The following BTRC variants were observed in gnomAD, a reference collection of about 807,000 sequenced individuals.
The protein encoded by BTRC is beta-transducin repeat containing E3 ubiquitin protein ligase.
In BTRC, 42 loss-of-function variants were observed where a neutral mutation model predicts 85.5. That is an observed-to-expected ratio of 0.49 (90% confidence interval 0.38 to 0.64). BTRC has a LOEUF of 0.64. Ranked by LOEUF, BTRC falls within the 30% of genes least tolerant of loss-of-function variation. BTRC has a pLI of 0.00. For synonymous variants in BTRC, 255 were observed against 263.3 expected (o/e 0.97, Z 0.30); for missense variants, 594 against 743.5 (o/e 0.80, Z 2.34).
intron 1 of BTRC, among the ~76,000 whole-genome samples, chr10:101,395,538 C>G (rs1943342483): frequency 6.6e-6 from 1 of 152,158 alleles, no homozygotes; most frequent in African/African-American, 2.4e-5. Flanking sequence ...CCTTCCTCTC[C>G]TTAATAAAAA....
intron 1 of BTRC, among the ~76,000 whole-genome samples, chr10:101,374,387 G>C (rs976738884): frequency 2.6e-5 from 4 of 151,554 alleles, no homozygotes; most frequent in African/African-American, 9.7e-5. Flanking sequence ...CAACCCAAAT[G>C]TCCAACAACG....
At chr10:101,385,390 GA>G (rs1318790519) in intron 1 of BTRC, among the ~76,000 whole-genome samples, 2 of 141,706 alleles carry the variant, frequency 1.4e-5, no homozygotes, top group Admixed American at 7.0e-5. Context: ...AAAAAGAAAA[GA>G]AAAAAAGTGA....
intron 4 of BTRC, among the ~76,000 whole-genome samples, chr10:101,504,655 C>T (rs1344585867): frequency 6.6e-6 from 1 of 151,912 alleles, no homozygotes; most frequent in Non-Finnish European, 1.5e-5. Flanking sequence ...GTTCCTCCTT[C>T]TGCTTTCCCA....
chr10:101,402,713 A>G (rs1399627902), intron 1 of BTRC, among the ~76,000 whole-genome samples: 1 of 152,206 alleles, frequency 6.6e-6, no homozygotes, highest in Non-Finnish European at 1.5e-5. Flanking sequence ...AATTAAGTGA[A>G]CTTCTCAAAG....
In BTRC at chr10:101,489,391, G is replaced by A. The variant is rs564625385; in HGVS notation, c.324+9934G>A. Among the ~76,000 whole-genome samples, 27 of 152,210 alleles carry A rather than the reference G, an allele frequency of 1.8e-4. No individual in the cohort carries two copies. In the East Asian group the frequency reaches 4.8e-3, roughly 27 times the overall value. On this transcript the variant is annotated intron_variant, in intron 4 of 14. Transcript: ENST00000370187. Reference sequence around the variant, plus strand: ...CTTTTCTGCATTCCTTAATCTGAAAGAGAGATTTTTATTCTTAATACTTGT... The same window carrying A: ...CTTTTCTGCATTCCTTAATCTGAAAAAGAGATTTTTATTCTTAATACTTGT...
chr10:101,470,773 AAATT>A (rs1464265357), intron 3 of BTRC, among the ~76,000 whole-genome samples: 12 of 152,182 alleles, frequency 7.9e-5, no homozygotes, highest in African/African-American at 2.2e-4. Context: ...GATCCATCTC[AAATT>A]AATTCTTATA....
chr10:101,491,725 A>C (rs1946139082), intron 4 of BTRC, among the ~76,000 whole-genome samples: 1 of 151,836 alleles, frequency 6.6e-6, no homozygotes, highest in East Asian at 1.9e-4. Context: ...TTAAGGCTTC[A>C]GGTCTGTCTG....
intron 1 of BTRC, among the ~76,000 whole-genome samples, chr10:101,409,486 C>T (rs1290462759): frequency 6.6e-5 from 10 of 152,078 alleles, no homozygotes; most frequent in Non-Finnish European, 5.9e-5. Flanking sequence ...AGAAATGTGC[C>T]ATTAGGTGAG....
intron 1 of BTRC, among the ~76,000 whole-genome samples, chr10:101,416,258 T>C (rs1215203401): frequency 1.3e-5 from 2 of 152,212 alleles, no homozygotes; most frequent in African/African-American, 4.8e-5. Flanking sequence ...TACCCATCTG[T>C]TGATGGCCAT....
chr10:101,497,851 C>G (rs1458573997), intron 4 of BTRC, among the ~76,000 whole-genome samples: 1 of 151,768 alleles, frequency 6.6e-6, no homozygotes, highest in Non-Finnish European at 1.5e-5. Context: ...GAAACCCCAT[C>G]TCTACGAAAA....
intron 5 of BTRC, 62 bp downstream of exon 5, chr10:101,521,932 AG>A: frequency 3.9e-6 from 5 of 1,285,464 alleles, no homozygotes; most frequent in Non-Finnish European, 5.5e-6. Flanking sequence ...CTAGATCTCC[AG>A]CTATATATCT....
intron 1 of BTRC, among the ~76,000 whole-genome samples, chr10:101,421,368 C>T (rs1944094650): frequency 6.6e-6 from 1 of 152,088 alleles, no homozygotes; most frequent in Non-Finnish European, 1.5e-5. Context: ...TTTAATGTAA[C>T]ACTATTCTAG....
chr10:101,447,063 T>C (rs543348507), intron 2 of BTRC, among the ~76,000 whole-genome samples: 2 of 152,156 alleles, frequency 1.3e-5, no homozygotes, highest in Admixed American at 6.5e-5. Context: ...GGTTGGACTT[T>C]TTGCGGGTCA....
At chr10:101,506,335 C>A (rs766738267) in intron 4 of BTRC, among the ~76,000 whole-genome samples, 47 of 152,192 alleles carry the variant, frequency 3.1e-4, no homozygotes, top group Non-Finnish European at 6.3e-4. Context: ...TACAGTTGCT[C>A]AAGTTAGGCT....
intron 8 of BTRC, 104 bp downstream of exon 8, chr10:101,532,536 G>T (rs1381493073): frequency 2.2e-6 from 3 of 1,384,740 alleles, no homozygotes; most frequent in African/African-American, 2.9e-5. Flanking sequence ...TAGAAAGTAA[G>T]TGAAGATTTT....
chr10:101,482,929 A>G (rs1945879893), intron 4 of BTRC, among the ~76,000 whole-genome samples: 1 of 152,216 alleles, frequency 6.6e-6, no homozygotes, highest in South Asian at 2.1e-4. Context: ...CCATGTGAGA[A>G]CAACTGTAAT....
At chr10:101,402,192 G>A (rs1230575193) in intron 1 of BTRC, among the ~76,000 whole-genome samples, 1 of 152,136 alleles carries the variant, frequency 6.6e-6, no homozygotes, top group Non-Finnish European at 1.5e-5. Context: ...AAATTCATAT[G>A]TGAGGAGGTT....
chr10:101,448,949 C>A (rs1313150843), intron 2 of BTRC, among the ~76,000 whole-genome samples: 1 of 151,560 alleles, frequency 6.6e-6, no homozygotes, highest in Admixed American at 6.6e-5. Flanking sequence ...ATTTTAAAGA[C>A]CCGAAGAGAC....
rs1253720260 is a variant in BTRC at position 101,394,853 on chromosome 10, AC to A, written c.49-35491del. 3.3e-5 allele frequency among the ~76,000 whole-genome samples: 5 copies of A among 152,264 alleles called. No homozygotes were observed. In the East Asian group the frequency reaches 9.6e-4, roughly 29 times the overall value. ...GCAAAAGCACAGATTTCTTACACAT[AC>A]ATGTAATGCATGTCTGCTTATAGCG... On this transcript the variant is annotated intron_variant, in intron 1 of 14. Transcript: ENST00000370187.
Sources: gnomAD v4.1 joint callset for allele counts (sites outside exome capture counted in the v4.1 genomes callset) on GRCh38, gnomAD v4.1.1 for gene constraint, MANE v1.5 for transcripts, NCBI Gene and HGNC (gene_info 2026-07-23, HGNC 2026-07-21) for gene names.